SNX8: variants seen among roughly 807,000 people sequenced by gnomAD.
SNX8 encodes the protein sorting nexin 8, also known as sorting nexin-8.
Under a neutral mutation model 51.6 loss-of-function variants are expected in SNX8, and 25 were observed. The ratio of observed to expected loss-of-function variants is 0.48; its 90% CI spans 0.35 to 0.68. The LOEUF (loss-of-function observed/expected upper bound fraction) is 0.68. Ranked by LOEUF, SNX8 falls within the 30% of genes least tolerant of loss-of-function variation. The pLI, the probability that SNX8 is intolerant of heterozygous loss-of-function variation, is 0.00. For synonymous variants in SNX8, 324 were observed against 277.0 expected (o/e 1.17, Z -1.68); for missense variants, 695 against 624.0 (o/e 1.11, Z -1.21).
chr7:2,253,574 A>T lies in SNX8; in HGVS notation c.*1482T>A, dbSNP rs1365865817. The T allele has an allele frequency of 1.3e-5, 2 of 152,500 alleles. No individual in the cohort carries two copies. Among genetic ancestry groups the T allele is most frequent in the African/African-American group, 4.8e-5 (2 of 41,454 alleles). 9.4% of individuals were successfully genotyped at this position (152,500 alleles called of 1,614,324 possible). A position where few individuals can be genotyped will look rare whatever the true frequency, so the allele number is the denominator to read the frequency against. ...AACGCTGCCCTCTGCTCATCTGGCC[A>T]GAAGGAAGCAGCCCACCTCACAGCA... On this transcript the variant is annotated 3_prime_UTR_variant, in exon 11 of 11. Transcript: ENST00000222990.
intron 2 of SNX8, among the ~76,000 whole-genome samples, chr7:2,277,689 C>G (rs986391588): frequency 6.6e-5 from 10 of 152,054 alleles, no homozygotes; most frequent in Non-Finnish European, 1.5e-4. Flanking sequence ...CACCTGTCAT[C>G]CCAGCTACTT....
chr7:2,342,893 G>A (rs1778958915), intron 1 of SNX8, among the ~76,000 whole-genome samples: 1 of 151,734 alleles, frequency 6.6e-6, no homozygotes, highest in Non-Finnish European at 1.5e-5. Flanking sequence ...CATGATCTCG[G>A]CTCGCTGCAA....
At chr7:2,300,872 A>G (rs956866780) in intron 1 of SNX8, among the ~76,000 whole-genome samples, 4 of 152,066 alleles carry the variant, frequency 2.6e-5, no homozygotes, top group Admixed American at 6.6e-5. Context: ...CGAACTCCTG[A>G]CCTCAAATGA....
At chr7:2,262,518 C>T (rs934047646) in intron 7 of SNX8, among the ~76,000 whole-genome samples, 1 of 142,386 alleles carries the variant, frequency 7.0e-6, no homozygotes, top group Non-Finnish European at 1.5e-5. Flanking sequence ...AGGTGGGAGC[C>T]GCTCAGGTGC....
intron 1 of SNX8, among the ~76,000 whole-genome samples, chr7:2,351,644 A>AAC (rs1332640982): frequency 1.1e-4 from 17 of 151,994 alleles, no homozygotes; most frequent in Non-Finnish European, 2.2e-4. Flanking sequence ...CATCCTGACT[A>AAC]ACAGGATGAA....
intron 1 of SNX8, among the ~76,000 whole-genome samples, chr7:2,337,736 A>G (rs1778855537): frequency 6.6e-6 from 1 of 151,902 alleles, no homozygotes; most frequent in Admixed American, 6.6e-5. Context: ...TGTTAGTTAA[A>G]GAATCACAGA....
rs1476524281 is a variant in SNX8, at chr7:2,254,684, T to C, written c.*372A>G. ...TCTCTCCTCGGCTGACCGAGCACCA[T>C]GATGCTGCCCCTCCCGACTGTTCCA... On this transcript the variant is annotated 3_prime_UTR_variant, in exon 11 of 11. Coordinates refer to ENST00000222990, the MANE Select transcript of SNX8 (RefSeq NM_013321.4). 1 of 285,108 alleles carries C rather than the reference T, an allele frequency of 3.5e-6. No individual in the cohort carries two copies. Among genetic ancestry groups the C allele is most frequent in the Non-Finnish European group, 6.8e-6 (1 of 148,104 alleles). 17.7% of individuals were successfully genotyped at this position (285,108 alleles called of 1,614,324 possible).
chr7:2,334,849 C>CAG, intron 1 of SNX8, among the ~76,000 whole-genome samples: 2 of 112,174 alleles, frequency 1.8e-5, no homozygotes, highest in East Asian at 5.2e-4. Context: ...GCCTAGGCAA[C>CAG]AGAGTAAGAG....
At chr7:2,272,002 G>A in intron 3 of SNX8, 31 bp from the exon 4 acceptor site, 1 of 1,610,802 alleles carries the variant, frequency 6.2e-7, no homozygotes, top group East Asian at 2.2e-5. Context: ...ACTGGACAGA[G>A]TCCAGGGCGC....
intron 7 of SNX8, among the ~76,000 whole-genome samples, chr7:2,262,124 AC>A (rs905164099): frequency 1.3e-5 from 2 of 152,098 alleles, no homozygotes; most frequent in Admixed American, 1.3e-4. Flanking sequence ...TGAAGCCTCT[AC>A]CTCTTGGGTT....
chr7:2,264,516 C>A, intron 5 of SNX8, 58 bp from the exon 6 acceptor site: 2 of 1,527,648 alleles, frequency 1.3e-6, no homozygotes, highest in Non-Finnish European at 8.8e-7. Flanking sequence ...ACCTGTCAGA[C>A]GGCAGCAGCC....
chr7:2,258,552 C>T (rs1310898569), intron 7 of SNX8, among the ~76,000 whole-genome samples: 2 of 152,142 alleles, frequency 1.3e-5, no homozygotes, highest in South Asian at 4.1e-4. Flanking sequence ...AAAACGGGCA[C>T]GCCCAGGAGG....
chr7:2,332,073 G>A (rs1328315392), intron 1 of SNX8, among the ~76,000 whole-genome samples: 8 of 151,314 alleles, frequency 5.3e-5, no homozygotes, highest in Admixed American at 4.0e-4. Context: ...TGGGCATGTC[G>A]GCTTGCACCT....
intron 1 of SNX8, among the ~76,000 whole-genome samples, chr7:2,282,726 C>T (rs4719483): frequency 1.5e-3 from 224 of 152,346 alleles, no homozygotes; most frequent in Admixed American, 3.4e-3. Flanking sequence ...CCTGAATTCC[C>T]AGCACTTTGG....
At chr7:2,275,517 C>G (rs1795758170) in intron 2 of SNX8, among the ~76,000 whole-genome samples, 1 of 151,782 alleles carries the variant, frequency 6.6e-6, no homozygotes, top group Non-Finnish European at 1.5e-5. Flanking sequence ...GCCTGGCCAA[C>G]ATGGCAAAAT....
intron 1 of SNX8, among the ~76,000 whole-genome samples, chr7:2,349,245 T>C (rs1779093888): frequency 6.6e-6 from 1 of 151,432 alleles, no homozygotes; most frequent in South Asian, 2.1e-4. Context: ...CGTAATATTA[T>C]AGTAAAGTGT....
intron 1 of SNX8, among the ~76,000 whole-genome samples, chr7:2,281,616 G>T (rs1259429475): frequency 1.3e-5 from 2 of 152,014 alleles, no homozygotes; most frequent in Non-Finnish European, 2.9e-5. Context: ...CAGCCCATAA[G>T]ACACAGAGCC....
At chr7:2,265,617 C>G (rs1480840515) in intron 5 of SNX8, among the ~76,000 whole-genome samples, 1 of 152,148 alleles carries the variant, frequency 6.6e-6, no homozygotes, top group Non-Finnish European at 1.5e-5. Context: ...TGCACTCCAG[C>G]CTGGGGACCC....
chr7:2,267,729 G>A lies in SNX8; in HGVS notation c.621+1830C>T, dbSNP rs1202612199. ...CCGAGACTGCAGCCTCTGCCCGGCC[G>A]CCACCCCGTCTGGGAAGTGAGGAGT... On this transcript the variant is annotated intron_variant, in intron 5 of 10. Coordinates refer to ENST00000222990, the MANE Select transcript of SNX8 (RefSeq NM_013321.4). 5.5e-3 allele frequency among the ~76,000 whole-genome samples: 799 copies of A among 146,446 alleles called. 4 individuals carry two copies. The highest frequency in any genetic ancestry group is 0.019 in the African/African-American group (761 of 39,532).
Sources: gnomAD v4.1 joint callset for allele counts (sites outside exome capture counted in the v4.1 genomes callset) on GRCh38, gnomAD v4.1.1 for gene constraint, MANE v1.5 for transcripts, NCBI Gene and HGNC (gene_info 2026-07-23, HGNC 2026-07-21) for gene names.